Variants in GPR157 observed in about 807,000 individuals in gnomAD.
GPR157 encodes G protein-coupled receptor 157, also known as G-protein coupled receptor 157.
Under a neutral mutation model 23.5 loss-of-function variants are expected in GPR157, and 16 were observed. That is an observed-to-expected ratio of 0.68 (90% CI 0.46 to 1.04). The LOEUF (loss-of-function observed/expected upper bound fraction) is 1.04. GPR157 is among the 50% of genes least tolerant of loss of function. The probability of loss-of-function intolerance (pLI) is 0.00; values close to 1 mark genes in which losing one functional copy is unlikely to be tolerated. For missense variants in GPR157, 440 were observed against 460.7 expected, an observed-to-expected ratio of 0.96 and a Z score of 0.41; for synonymous variants, 200 against 221.5, an observed-to-expected ratio of 0.90 and a Z score of 0.86.
chr1:9,119,873 C>A (rs1226913217), intron 1 of GPR157, among the ~76,000 whole-genome samples: 1 of 152,174 alleles, frequency 6.6e-6, no homozygotes, highest in Non-Finnish European at 1.5e-5. Context: ...GTGAATAAAC[C>A]ATCTGCGAGA....
chr1:9,125,469 T>C (rs1477967373), intron 1 of GPR157, among the ~76,000 whole-genome samples: 5 of 152,242 alleles, frequency 3.3e-5, no homozygotes, highest in Admixed American at 3.3e-4. Context: ...GAAATGTGAT[T>C]TCCTGAGGAT....
At chr1:9,114,476 C>T (rs1230500853) in intron 1 of GPR157, among the ~76,000 whole-genome samples, 2 of 152,112 alleles carry the variant, frequency 1.3e-5, no homozygotes, top group Admixed American at 6.6e-5. Context: ...GGAACAGTCC[C>T]CCTGCAGGAG....
Position 9,120,007 on chromosome 1 carries a change from G to A in GPR157, c.384-8518C>T, listed in dbSNP as rs1407207020. 1.3e-5 allele frequency among the ~76,000 whole-genome samples: 2 copies of A among 152,252 alleles called. No individual in the cohort carries two copies. The highest frequency in any genetic ancestry group is 2.4e-5 in the African/African-American group (1 of 41,542). ...GAGCGGGTCCTTGGGAGTTCCCAGC[G>A]CTGCCCAACCGGGGATCTTCTGTTG... On this transcript the variant is annotated intron_variant, in intron 1 of 3. Coordinates refer to ENST00000377411, the MANE Select transcript of GPR157 (RefSeq NM_024980.5). The surrounding 1 kb of genome is among the most constrained non-coding windows in gnomAD (Gnocchi z 4.1).
At chr1:9,127,225 CT>C (rs1360785773) in intron 1 of GPR157, among the ~76,000 whole-genome samples, 3 of 152,054 alleles carry the variant, frequency 2.0e-5, no homozygotes. Context: ...AGAAACCCCC[CT>C]AGAGGGTCCG....
At chr1:9,119,456 G>C (rs1638755613) in intron 1 of GPR157, among the ~76,000 whole-genome samples, 1 of 152,208 alleles carries the variant, frequency 6.6e-6, no homozygotes, top group African/African-American at 2.4e-5. Flanking sequence ...GTCAAGGAGA[G>C]AGGCCTCAGG....
intron 1 of GPR157, among the ~76,000 whole-genome samples, chr1:9,123,177 A>ATATATATATATATATAAATAAAATT (rs1638839516): frequency 1.1e-5 from 1 of 95,008 alleles, no homozygotes; most frequent in Non-Finnish European, 2.1e-5. Flanking sequence ...AAAAAAAAAT[A>ATATATATATATATATAAATAAAATT]TATATATATA....
chr1:9,115,233 TAC>T (rs370272290), intron 1 of GPR157, among the ~76,000 whole-genome samples: 3 of 152,026 alleles, frequency 2.0e-5, no homozygotes, highest in South Asian at 2.1e-4. Context: ...TATGCATGTT[TAC>T]ACACACACAC....
In GPR157 at chr1:9,104,640, G is replaced by A. The variant is rs1330888210; in HGVS notation, c.793-6C>T. ...TGAAACGTGTTCCCGATACCCTGTC[G>A]GGAGAAAAGGAGCTGTGAGCATGGG... On this transcript the variant is annotated splice_polypyrimidine_tract_variant and splice_region_variant and intron_variant, in intron 3 of 3. Coordinates refer to ENST00000377411, the MANE Select transcript of GPR157 (RefSeq NM_024980.5). 16 of 1,580,828 alleles carry A rather than the reference G, an allele frequency of 1.0e-5. No individual in the cohort carries two copies. Among genetic ancestry groups the A allele is most frequent in the Admixed American group, 3.6e-5 (2 of 55,894 alleles).
At position 9,118,929 on chromosome 1, in the gene GPR157, G is replaced by T. The variant is rs1393246764; in HGVS notation, c.384-7440C>A. Reference sequence around the variant, plus strand: ...ACACACCTGAAGTCCCAGCTACCCAGGAGGCTGAGGCGGGAGAACCGCTTG... The same window carrying T: ...ACACACCTGAAGTCCCAGCTACCCATGAGGCTGAGGCGGGAGAACCGCTTG... On this transcript the variant is annotated intron_variant, in intron 1 of 3. Transcript: ENST00000377411. The surrounding 1 kb of genome is among the most constrained non-coding windows in gnomAD (Gnocchi z 4.6). Among the ~76,000 whole-genome samples, 1 of 152,144 alleles carries T rather than the reference G, an allele frequency of 6.6e-6. No individual in the cohort carries two copies. The highest frequency in any genetic ancestry group is 1.5e-5 in the Non-Finnish European group (1 of 68,026).
chr1:9,123,706 AAATATGTATTTATATATAATT>A (rs1638898717), intron 1 of GPR157, among the ~76,000 whole-genome samples: 1 of 108,510 alleles, frequency 9.2e-6, no homozygotes, highest in South Asian at 2.4e-4. Flanking sequence ...ATTTAATTTT[AAATATGTATTTATATATAATT>A]TTAAATATAT....
rs1324854403 is a variant in GPR157 at position 9,120,318 on chromosome 1, G to T, written c.383+8327C>A. ...TACAGATCTCTGGGGGCTGGCACCT[G>T]CCAGGAGGAAAACAAGCAGGTCCCT... On this transcript the variant is annotated intron_variant, in intron 1 of 3. Transcript: ENST00000377411. The surrounding 1 kb of genome is among the most constrained non-coding windows in gnomAD (Gnocchi z 4.1). 6.6e-6 allele frequency among the ~76,000 whole-genome samples: 1 copy of T among 152,160 alleles called. No homozygotes were observed. Among genetic ancestry groups the T allele is most frequent in the African/African-American group, 2.4e-5 (1 of 41,424 alleles).
rs184377951 is a variant in GPR157, at chr1:9,108,873, C to T, written c.597+2403G>A. 3.0e-3 allele frequency among the ~76,000 whole-genome samples: 450 copies of T among 152,080 alleles called. 3 individuals are homozygous for T. The highest frequency in any genetic ancestry group is 5.0e-3 in the Admixed American group (76 of 15,288). Reference sequence around the variant, plus strand: ...CGATCTCAGCTCACTGCAAGCTCCGCCTCCCGGGTTCACACCATTCTCCTA... The same window carrying T: ...CGATCTCAGCTCACTGCAAGCTCCGTCTCCCGGGTTCACACCATTCTCCTA... On this transcript the variant is annotated intron_variant, in intron 2 of 3. Coordinates refer to ENST00000377411, the MANE Select transcript of GPR157 (RefSeq NM_024980.5).
At chr1:9,126,786 C>G (rs1056384403) in intron 1 of GPR157, among the ~76,000 whole-genome samples, 1 of 152,210 alleles carries the variant, frequency 6.6e-6, no homozygotes, top group Non-Finnish European at 1.5e-5. Flanking sequence ...TTGTCAAACT[C>G]CCTCTCTAGC....
chr1:9,116,493 A>C (rs1387913916), intron 1 of GPR157, among the ~76,000 whole-genome samples: 1 of 138,616 alleles, frequency 7.2e-6, no homozygotes, highest in Non-Finnish European at 1.5e-5. Flanking sequence ...TATTATTCCC[A>C]GCACTTTGAG....
chr1:9,126,235 AG>A (rs1216834400), intron 1 of GPR157, among the ~76,000 whole-genome samples: 2 of 152,206 alleles, frequency 1.3e-5, no homozygotes, highest in Non-Finnish European at 2.9e-5. Flanking sequence ...TGGGATTTAC[AG>A]GCATGAGCCA....
chr1:9,117,424 CAT>C (rs993604717), intron 1 of GPR157, among the ~76,000 whole-genome samples: 14 of 152,350 alleles, frequency 9.2e-5, no homozygotes, highest in African/African-American at 2.6e-4. Flanking sequence ...TCCACAAACA[CAT>C]GTGTGGCATA....
intron 1 of GPR157, among the ~76,000 whole-genome samples, chr1:9,113,042 T>A (rs1201299220): frequency 1.3e-5 from 2 of 152,200 alleles, no homozygotes; most frequent in Non-Finnish European, 1.5e-5. Flanking sequence ...ATGACGACAG[T>A]GACTACAGGG....
Position 9,103,131 on chromosome 1 carries a change from T to A in GPR157, c.*1288A>T, listed in dbSNP as rs1642587220. The stretch of plus-strand genomic sequence containing the variant: ...AAAAAAAAAAAAAAAAAAAACTGAC[T>A]CTGAAGCTTAAAACCTTCACCTTTA... On this transcript the variant is annotated 3_prime_UTR_variant, in exon 4 of 4. Transcript: ENST00000377411. 1 of 144,306 alleles carries A rather than the reference T, an allele frequency of 6.9e-6. No individual in the cohort carries two copies. Among genetic ancestry groups the A allele is most frequent in the South Asian group, 2.2e-4 (1 of 4,542 alleles). The allele number at this position is 144,306 out of a possible 1,614,324, so 8.9% of individuals were successfully genotyped here. A position where few individuals can be genotyped will look rare whatever the true frequency, so the allele number is the denominator to read the frequency against.
At chr1:9,111,757 G>A (rs1348333530) in intron 1 of GPR157, among the ~76,000 whole-genome samples, 2 of 152,178 alleles carry the variant, frequency 1.3e-5, no homozygotes, top group Non-Finnish European at 1.5e-5. Flanking sequence ...ATACATGTGT[G>A]TACAGAGTTC....
Sources: gnomAD v4.1 joint callset for allele counts (sites outside exome capture counted in the v4.1 genomes callset) on GRCh38, gnomAD v4.1.1 for gene constraint, Gnocchi (gnomAD v3.1) non-coding constraint, MANE v1.5 for transcripts, NCBI Gene and HGNC (gene_info 2026-07-23, HGNC 2026-07-21) for gene names.